Variants in ANKFY1 observed in about 807,000 individuals in gnomAD.
ANKFY1 encodes ankyrin repeat and FYVE domain containing 1.
In ANKFY1, 47 loss-of-function variants were observed where a neutral mutation model predicts 128.3. That is an observed-to-expected ratio of 0.37 (90% CI 0.29 to 0.47). The LOEUF is 0.47. Ranked by LOEUF, ANKFY1 falls within the 20% of genes least tolerant of loss-of-function variation. The pLI is 1.00. For missense variants in ANKFY1, 1,222 were observed against 1,510.6 expected, an observed-to-expected ratio of 0.81 and a Z score of 3.17; for synonymous variants, 553 against 601.6, an observed-to-expected ratio of 0.92 and a Z score of 1.18.
At chr17:4,234,346 A>G (rs1598121494) in intron 3 of ANKFY1, among the ~76,000 whole-genome samples, 1 of 152,112 alleles carries the variant, frequency 6.6e-6, no homozygotes, top group Non-Finnish European at 1.5e-5. Context: ...TTTTTTTCCA[A>G]TAGCAGTCAG....
intron 3 of ANKFY1, chr17:4,223,835 C>T: frequency 8.2e-7 from 1 of 1,225,788 alleles, no homozygotes; most frequent in Non-Finnish European, 1.2e-6. Context: ...TCTGACTCTT[C>T]TCTCGCAATC....
Position 4,166,250 on chromosome 17 carries a change from C to A in ANKFY1, c.*1529G>T, listed in dbSNP as rs992593513. 1.3e-5 allele frequency: 2 copies of A among 152,090 alleles called. No individual in the cohort carries two copies. The highest frequency in any genetic ancestry group is 2.9e-5 in the Non-Finnish European group (2 of 68,016). The allele number at this position is 152,090 out of a possible 1,614,324, so 9.4% of individuals were successfully genotyped here. A position where few individuals can be genotyped will look rare whatever the true frequency, so the allele number is the denominator to read the frequency against. On this transcript the variant is annotated 3_prime_UTR_variant, in exon 25 of 25. Coordinates refer to ENST00000341657, the MANE Select transcript of ANKFY1 (RefSeq NM_001330063.2). The stretch of plus-strand genomic sequence containing the variant: ...TACCGCAATACAGAGGACACACTAT[C>A]CAGAAAAGAATGAACAAAGAACAGG...
At chr17:4,237,810 A>AT (rs1435420161) in intron 2 of ANKFY1, among the ~76,000 whole-genome samples, 4 of 152,288 alleles carry the variant, frequency 2.6e-5, no homozygotes, top group East Asian at 1.9e-4. Flanking sequence ...GGACCTAGTA[A>AT]TTTTTTTAAA....
chr17:4,231,274 T>A (rs902560064), intron 3 of ANKFY1, among the ~76,000 whole-genome samples: 1 of 152,046 alleles, frequency 6.6e-6, no homozygotes, highest in Non-Finnish European at 1.5e-5. Flanking sequence ...GGCAGGAGGA[T>A]CATCTGAGCC....
At chr17:4,222,434 T>C (rs1598102906) in intron 3 of ANKFY1, 1 of 804,282 alleles carries the variant, frequency 1.2e-6, no homozygotes, top group East Asian at 2.4e-5. Flanking sequence ...AAGTCCAAGG[T>C]TGAATGTAAG....
intron 1 of ANKFY1, among the ~76,000 whole-genome samples, chr17:4,254,462 T>C (rs1968012212): frequency 6.6e-6 from 1 of 152,148 alleles, no homozygotes; most frequent in African/African-American, 2.4e-5. Context: ...CAGCAGCCTC[T>C]TGCAGGTGGA....
At chr17:4,217,786 A>G (rs1285871728) in intron 3 of ANKFY1, among the ~76,000 whole-genome samples, 1 of 152,108 alleles carries the variant, frequency 6.6e-6, no homozygotes, top group African/African-American at 2.4e-5. Flanking sequence ...CCTGGGCTCA[A>G]GTGGTCCTTA....
chr17:4,251,826 G>C (rs1194482899), intron 1 of ANKFY1, among the ~76,000 whole-genome samples: 1 of 152,110 alleles, frequency 6.6e-6, no homozygotes, highest in Non-Finnish European at 1.5e-5. Flanking sequence ...CTTGAGGTCA[G>C]GAGTTTGAGA....
At chr17:4,231,968 A>C (rs2060520188) in intron 3 of ANKFY1, among the ~76,000 whole-genome samples, 1 of 152,008 alleles carries the variant, frequency 6.6e-6, no homozygotes, top group South Asian at 2.1e-4. Context: ...AAGAAATATC[A>C]ATTAGACAAG....
chr17:4,165,720 T>C lies in ANKFY1; in HGVS notation c.*2059A>G, dbSNP rs1007047483. Reference sequence around the variant, plus strand: ...AGTTTGAATCAACATATTTGAAACATGATCTTAAGATTCTGAGTGCAATGA... The same window carrying C: ...AGTTTGAATCAACATATTTGAAACACGATCTTAAGATTCTGAGTGCAATGA... On this transcript the variant is annotated 3_prime_UTR_variant, in exon 25 of 25. Coordinates refer to ENST00000341657, the MANE Select transcript of ANKFY1 (RefSeq NM_001330063.2). The C allele has an allele frequency of 2.6e-5, 4 of 152,234 alleles. No individual in the cohort carries two copies. The highest frequency in any genetic ancestry group is 5.9e-5 in the Non-Finnish European group (4 of 68,054). The allele number at this position is 152,234 out of a possible 1,614,324, so 9.4% of individuals were successfully genotyped here.
chr17:4,246,550 C>A (rs757964371), intron 1 of ANKFY1, among the ~76,000 whole-genome samples: 1 of 152,180 alleles, frequency 6.6e-6, no homozygotes, highest in African/African-American at 2.4e-5. Context: ...CTGGTGGCTA[C>A]AAAATTATAT....
Position 4,170,845 on chromosome 17 carries a change from G to A in ANKFY1, c.3156C>T (p.Tyr1052=). ...GGCACAAGTTGGCGTTCCCTTTCAT[G>A]TATGCCAGGAGCAGCACTGGAAAAC... ...ADGSTVLLLA[Y]MKGNANLCRA... Residue 1052 remains tyrosine, a synonymous_variant, in exon 23 of 25, where the codon TAC becomes TAT. Coordinates refer to ENST00000341657, the MANE Select transcript of ANKFY1 (RefSeq NM_001330063.2). 6.2e-7 allele frequency: 1 copy of A among 1,614,224 alleles called. No individual in the cohort carries two copies. The highest frequency in any genetic ancestry group is 2.2e-5 in the East Asian group (1 of 44,888).
At chr17:4,174,180 TG>T in intron 19 of ANKFY1, 124 bp from the exon 20 acceptor site, 1 of 1,165,422 alleles carries the variant, frequency 8.6e-7, no homozygotes, top group Non-Finnish European at 1.2e-6. Context: ...CTGACAGAGC[TG>T]GGAGCATAGG....
intron 1 of ANKFY1, chr17:4,263,621 C>T: frequency 6.5e-7 from 1 of 1,535,008 alleles, no homozygotes; most frequent in Non-Finnish European, 8.7e-7. Flanking sequence ...GCACCGCCGG[C>T]AATCAAGAGC....
chr17:4,260,665 A>G (rs1968369400), intron 1 of ANKFY1, among the ~76,000 whole-genome samples: 1 of 151,624 alleles, frequency 6.6e-6, no homozygotes, highest in African/African-American at 2.4e-5. Flanking sequence ...GCTTAGATTA[A>G]GCAGGATAGC....
intron 17 of ANKFY1, 197 bp downstream of exon 17, chr17:4,179,524 T>G: frequency 1.5e-6 from 1 of 672,400 alleles, no homozygotes; most frequent in Non-Finnish European, 2.5e-6. Context: ...CTGAAACAAA[T>G]CTTCCTCCTG....
intron 2 of ANKFY1, 56 bp downstream of exon 2, chr17:4,242,200 G>T: frequency 7.1e-7 from 1 of 1,415,460 alleles, no homozygotes; most frequent in Non-Finnish European, 9.3e-7. Context: ...GAGAAAAGCT[G>T]TAGTGTGGCC....
chr17:4,202,178 A>G (rs2059939731), intron 7 of ANKFY1, among the ~76,000 whole-genome samples: 1 of 143,892 alleles, frequency 6.9e-6, no homozygotes, highest in Non-Finnish European at 1.5e-5. Flanking sequence ...CGAGGCGGGC[A>G]TTTCACTTGA....
Position 4,263,912 on chromosome 17 carries a change from G to A in ANKFY1, c.10+20C>T, listed in dbSNP as rs370377718. 2.5e-6 allele frequency: 4 copies of A among 1,613,736 alleles called. No homozygotes were observed. The highest frequency in any genetic ancestry group is 2.2e-5 in the East Asian group (1 of 44,880). On this transcript the variant is annotated intron_variant, in intron 1 of 24. Transcript: ENST00000341657. ...CCACAGCTCCGTGTCTTCCCGCGCG[G>A]CTCCACAAAAAAACCCTACCTTCCG... is the stretch of plus-strand genomic sequence containing the variant.
Sources: allele counts gnomAD v4.1 joint callset (sites outside exome capture counted in the v4.1 genomes callset), GRCh38; gene constraint gnomAD v4.1.1; transcripts MANE v1.5; gene names NCBI Gene and HGNC (gene_info 2026-07-23, HGNC 2026-07-21).